FGF1: variants seen among roughly 807,000 people sequenced by gnomAD.
The protein encoded by FGF1 is fibroblast growth factor 1, also known as beta-endothelial cell growth factor.
A neutral mutation model predicts 13.4 loss-of-function variants in FGF1; 9 were observed. The ratio of observed to expected loss-of-function variants is 0.67; its 90% confidence interval spans 0.40 to 1.17. The LOEUF (loss-of-function observed/expected upper bound fraction) is 1.17, where lower values mean the gene tolerates loss of function less well. Ranked by LOEUF, FGF1 falls within the 50% of genes most tolerant of loss-of-function variation. FGF1 has a pLI of 0.01. For missense variants in FGF1, 156 were observed against 192.7 expected (o/e 0.81, Z 1.13); for synonymous variants, 93 against 79.0 (o/e 1.18, Z -0.94).
At chr5:142,614,377 C>G (rs889158983) in intron 1 of FGF1, among the ~76,000 whole-genome samples, 1 of 152,200 alleles carries the variant, frequency 6.6e-6, no homozygotes, top group Non-Finnish European at 1.5e-5. Flanking sequence ...GCATTTTTCT[C>G]TCTTCCCAAT....
intron 2 of FGF1, among the ~76,000 whole-genome samples, chr5:142,602,351 A>G (rs577097812): frequency 1.6e-4 from 25 of 151,772 alleles, no homozygotes; most frequent in African/African-American, 5.8e-4. Flanking sequence ...TAATTTTGGT[A>G]TTTTTAGTAG....
chr5:142,598,811 G>C (rs1288436554), intron 3 of FGF1, among the ~76,000 whole-genome samples: 1 of 152,208 alleles, frequency 6.6e-6, no homozygotes, highest in Non-Finnish European at 1.5e-5. Context: ...CGGCTATGGT[G>C]GGAGAAGGGG....
chr5:142,606,529 G>A (rs776156364), intron 2 of FGF1, among the ~76,000 whole-genome samples: 8 of 151,914 alleles, frequency 5.3e-5, no homozygotes, highest in African/African-American at 1.9e-4. Context: ...AGGCTGAGGC[G>A]AGAGAATTGC....
At chr5:142,608,542 CTATATATATATA>C (rs369107817) in intron 2 of FGF1, among the ~76,000 whole-genome samples, 815 of 75,968 alleles carry the variant, frequency 0.011, 13 homozygotes, top group Non-Finnish European at 0.013. Context: ...ATATACACAT[CTATATATATATA>C]TATATATATA....
At chr5:142,640,264 A>AC (rs1280565568) in intron 1 of FGF1, among the ~76,000 whole-genome samples, 2 of 151,908 alleles carry the variant, frequency 1.3e-5, no homozygotes, top group Non-Finnish European at 2.9e-5. Context: ...AAAAGCAAAG[A>AC]CCCTGCTTTC....
chr5:142,656,151 A>G (rs1768104890), intron 1 of FGF1, among the ~76,000 whole-genome samples: 1 of 152,136 alleles, frequency 6.6e-6, no homozygotes, highest in Admixed American at 6.5e-5. Context: ...CCCACATCAT[A>G]ACTCTTTTAA....
At chr5:142,625,855 A>T (rs188670327) in intron 1 of FGF1, among the ~76,000 whole-genome samples, 3 of 152,338 alleles carry the variant, frequency 2.0e-5, no homozygotes, top group Admixed American at 1.3e-4. Context: ...AAATCAGCCA[A>T]CATTCCAGCT....
rs193033499 is a variant in FGF1 at position 142,659,270 on chromosome 5, C to T, written c.-35+26687G>A. On this transcript the variant is annotated intron_variant, in intron 1 of 3. Transcript: ENST00000337706. The stretch of plus-strand genomic sequence containing the variant: ...TTTGAGACAGGGTCTCGCTCTGTCG[C>T]CAGGCTGGAGTGCAGTGGCGTGATC... 3.6e-3 allele frequency among the ~76,000 whole-genome samples: 543 copies of T among 150,096 alleles called. 2 individuals are homozygous for T. Among genetic ancestry groups the T allele is most frequent in the African/African-American group, 0.012 (505 of 40,710 alleles).
At chr5:142,666,175 AT>A (rs1770287057) in intron 1 of FGF1, among the ~76,000 whole-genome samples, 3 of 150,484 alleles carry the variant, frequency 2.0e-5, no homozygotes, top group African/African-American at 7.4e-5. Context: ...GTCTTGTTAT[AT>A]TAGGGTGAAA....
chr5:142,647,552 C>T (rs1014158733), intron 1 of FGF1, among the ~76,000 whole-genome samples: 2 of 152,130 alleles, frequency 1.3e-5, no homozygotes, highest in Non-Finnish European at 2.9e-5. Context: ...CACCAATGGG[C>T]CTAAGATGGT....
chr5:142,669,287 G>A (rs1770998398), intron 1 of FGF1, among the ~76,000 whole-genome samples: 1 of 152,186 alleles, frequency 6.6e-6, no homozygotes, highest in South Asian at 2.1e-4. Flanking sequence ...AGGCCACGGG[G>A]CACAGTATCC....
At chr5:142,647,227 C>T (rs1486353362) in intron 1 of FGF1, among the ~76,000 whole-genome samples, 1 of 152,102 alleles carries the variant, frequency 6.6e-6, no homozygotes. Flanking sequence ...TGTGAAGTTG[C>T]CCCCTCACCA....
chr5:142,610,769 T>C (rs1346439541), intron 2 of FGF1, among the ~76,000 whole-genome samples: 1 of 152,118 alleles, frequency 6.6e-6, no homozygotes, highest in Non-Finnish European at 1.5e-5. Context: ...AGGCTAGAAG[T>C]CCACCAGTAG....
intron 1 of FGF1, among the ~76,000 whole-genome samples, chr5:142,677,906 A>G (rs927299974): frequency 6.6e-6 from 1 of 152,182 alleles, no homozygotes; most frequent in Admixed American, 6.5e-5. Context: ...GGTAAGCGGC[A>G]TGAAGGAAAA....
chr5:142,618,969 C>CTTTA (rs1561572082), intron 1 of FGF1, among the ~76,000 whole-genome samples: 1 of 123,544 alleles, frequency 8.1e-6, no homozygotes, highest in Non-Finnish European at 1.6e-5. Context: ...GAGTCCCGCT[C>CTTTA]TTTAGCCCAG....
chr5:142,640,815 C>T (rs10070885), intron 1 of FGF1, among the ~76,000 whole-genome samples: 52,452 of 151,690 alleles, frequency 0.35, 11,002 homozygotes, highest in African/African-American at 0.58. Flanking sequence ...GTCACTGTAT[C>T]CTACCCTGCA....
chr5:142,597,231 C>G (rs2151812620), intron 3 of FGF1, among the ~76,000 whole-genome samples: 2 of 152,286 alleles, frequency 1.3e-5, no homozygotes, highest in South Asian at 2.1e-4. Flanking sequence ...ACCTTTGACT[C>G]AGCAATTTCA....
chr5:142,663,202 A>C (rs553708272), intron 1 of FGF1, among the ~76,000 whole-genome samples: 1 of 152,132 alleles, frequency 6.6e-6, no homozygotes, highest in East Asian at 1.9e-4. Context: ...ACAAAGAAAA[A>C]GATTCCGAAG....
chr5:142,597,332 C>T (rs940489463), intron 3 of FGF1, among the ~76,000 whole-genome samples: 1 of 152,006 alleles, frequency 6.6e-6, no homozygotes, highest in Admixed American at 6.6e-5. Flanking sequence ...TAGGGGCAAG[C>T]GATTAGGAGT....
Sources: allele counts gnomAD v4.1 joint callset (sites outside exome capture counted in the v4.1 genomes callset), GRCh38; gene constraint gnomAD v4.1.1; transcripts MANE v1.5; gene names NCBI Gene and HGNC (gene_info 2026-07-23, HGNC 2026-07-21).